The following LAMA4 variants were observed in gnomAD, a reference collection of about 807,000 sequenced individuals.
LAMA4 encodes the protein laminin subunit alpha 4.
LAMA4 carries 127 observed loss-of-function variants against 207.1 expected under a neutral mutation model. The observed-to-expected ratio is 0.61, with a 90% CI of 0.53 to 0.71. The LOEUF is 0.71. Ranked by LOEUF, LAMA4 falls within the 30% of genes least tolerant of loss-of-function variation. The probability of loss-of-function intolerance (pLI) is 0.00; values close to 1 mark genes in which losing one functional copy is unlikely to be tolerated. For missense variants in LAMA4, 2,093 were observed against 2,246.5 expected, an observed-to-expected ratio of 0.93 and a Z score of 1.38; for synonymous variants, 761 against 816.0, an observed-to-expected ratio of 0.93 and a Z score of 1.15.
At chr6:112,112,279 A>G (rs1777747860) in intron 38 of LAMA4, among the ~76,000 whole-genome samples, 1 of 152,198 alleles carries the variant, frequency 6.6e-6, no homozygotes, top group Non-Finnish European at 1.5e-5. Context: ...GGAGGAAAGG[A>G]AGAACATTTC....
intron 3 of LAMA4, among the ~76,000 whole-genome samples, chr6:112,208,206 A>G (rs1336685222): frequency 6.6e-6 from 1 of 152,160 alleles, no homozygotes; most frequent in Non-Finnish European, 1.5e-5. Context: ...CTCCTATTTG[A>G]GCAATTGCCT....
chr6:112,156,258 T>C (rs1489947742), intron 14 of LAMA4, among the ~76,000 whole-genome samples: 1 of 152,016 alleles, frequency 6.6e-6, no homozygotes, highest in Admixed American at 6.6e-5. Context: ...TTTCACACGA[T>C]AGTCTCTGCC....
rs1554332971 is a variant in LAMA4 at position 112,140,841 on chromosome 6, T to C, written c.2895A>G (p.Glu965=). 5 of 1,613,798 alleles carry C rather than the reference T, an allele frequency of 3.1e-6. No individual in the cohort carries two copies. Among genetic ancestry groups the C allele is most frequent in the African/African-American group, 1.3e-5 (1 of 74,876 alleles). The stretch of plus-strand genomic sequence containing the variant: ...CCAGCAGAGAGTCATCTCCCGAAAA[T>C]TCCCCCTTTTTAATGAACTTTTCCT... ...TAEEKFIKKG[E]FSGDDSLLDL... The change falls in exon 22 of 39, where the codon GAA becomes GAG. Residue 965 remains glutamate (E), a synonymous_variant. Transcript: ENST00000230538.
At chr6:112,142,398 C>G (rs2114709282) in intron 19 of LAMA4, 106 bp from the exon 20 acceptor site, 11 of 976,400 alleles carry the variant, frequency 1.1e-5, no homozygotes, top group Non-Finnish European at 1.8e-5. Flanking sequence ...CTCTTCACCT[C>G]CATACCTGTA....
chr6:112,133,117 C>T (rs1779138916), intron 27 of LAMA4, among the ~76,000 whole-genome samples: 1 of 152,180 alleles, frequency 6.6e-6, no homozygotes, highest in Admixed American at 6.5e-5. Flanking sequence ...TGCTAGCACA[C>T]CCTCTCTGGG....
intron 29 of LAMA4, 134 bp from the exon 30 acceptor site, chr6:112,130,174 A>T (rs1332354156): frequency 1.4e-6 from 1 of 738,806 alleles, no homozygotes; most frequent in Non-Finnish European, 2.4e-6. Context: ...CGAGTTGCCA[A>T]ACTCTTCATG....
At chr6:112,237,317 G>A (rs1245170807) in intron 2 of LAMA4, among the ~76,000 whole-genome samples, 1 of 152,208 alleles carries the variant, frequency 6.6e-6, no homozygotes, top group Non-Finnish European at 1.5e-5. Flanking sequence ...CAAGGCAGAC[G>A]TGTGTACTGC....
At position 112,158,739 on chromosome 6, in the gene LAMA4, A is replaced by G. The variant is rs909181603; in HGVS notation, c.1810T>C (p.Leu604=). ...CTAAAACCAGGATATTACCTGCTCA[A>G]TTCATTAGCTTCTTGTTGAAGGTCC... The part of the protein sequence containing the change: ...AQDLQQEANE[L]SRKLHSSDMN... Residue 604 remains leucine (L), a synonymous_variant, in exon 14 of 39, where the codon TTG becomes CTG. Transcript: ENST00000230538. 1 of 1,613,612 alleles carries G rather than the reference A, an allele frequency of 6.2e-7. No homozygotes were observed. Among genetic ancestry groups the G allele is most frequent in the South Asian group, 1.1e-5 (1 of 91,064 alleles).
upstream of LAMA4, chr6:112,254,730 T>C: frequency 6.3e-6 from 1 of 157,950 alleles, no homozygotes; most frequent in East Asian, 1.9e-4. Flanking sequence ...TTTGTGACGC[T>C]TCCTCACCAC....
At chr6:112,189,651 A>G (rs1215791938) in intron 6 of LAMA4, among the ~76,000 whole-genome samples, 1 of 152,192 alleles carries the variant, frequency 6.6e-6, no homozygotes, top group Non-Finnish European at 1.5e-5. Context: ...AGGGAGGAGC[A>G]GCTTAGCAAG....
rs193129316 is a variant in LAMA4 at position 112,175,670 on chromosome 6, C to T, written c.1190-190G>A. The stretch of plus-strand genomic sequence containing the variant: ...GCATGGAAGCTCATCATCTATTCCA[C>T]GAAGGAGAAAGACACGAGGAAACCA... On this transcript the variant is annotated intron_variant, in intron 10 of 38. Transcript: ENST00000230538. Among the ~76,000 whole-genome samples the T allele has an allele frequency of 1.3e-3, 194 of 152,312 alleles. 1 individual carries two copies. Among genetic ancestry groups the T allele is most frequent in the African/African-American group, 4.3e-3 (177 of 41,564 alleles).
At chr6:112,239,786 G>C (rs1309583500) in intron 2 of LAMA4, among the ~76,000 whole-genome samples, 1 of 152,040 alleles carries the variant, frequency 6.6e-6, no homozygotes, top group Non-Finnish European at 1.5e-5. Flanking sequence ...TTTTGAGGCC[G>C]GGTGCGGTGG....
intron 24 of LAMA4, among the ~76,000 whole-genome samples, chr6:112,136,652 A>G (rs969897264): frequency 6.7e-6 from 1 of 149,982 alleles, no homozygotes; most frequent in Non-Finnish European, 1.5e-5. Flanking sequence ...AGATCGTGAC[A>G]CTGCACTCCA....
chr6:112,180,419 G>T (rs1377773174), intron 9 of LAMA4, among the ~76,000 whole-genome samples: 1 of 152,106 alleles, frequency 6.6e-6, no homozygotes, highest in African/African-American at 2.4e-5. Flanking sequence ...CTATAGTGAT[G>T]GCTTATATGA....
At chr6:112,176,586 A>G (rs1390226107) in intron 10 of LAMA4, among the ~76,000 whole-genome samples, 2 of 152,344 alleles carry the variant, frequency 1.3e-5, no homozygotes, top group South Asian at 2.1e-4. Context: ...GGGATTAAAC[A>G]TCCACTCCTC....
intron 5 of LAMA4, among the ~76,000 whole-genome samples, chr6:112,196,870 A>G (rs959408450): frequency 1.3e-5 from 2 of 152,198 alleles, no homozygotes; most frequent in African/African-American, 4.8e-5. Context: ...GGCCTTCAAC[A>G]TGCCAGATAG....
chr6:112,189,066 A>G (rs1287645833), intron 7 of LAMA4, 44 bp downstream of exon 7: 1 of 1,361,628 alleles, frequency 7.3e-7, no homozygotes, highest in Non-Finnish European at 1.1e-6. Flanking sequence ...CCTGCAGCAC[A>G]TTAGAGAAAG....
chr6:112,124,480 G>C (rs587770304), intron 31 of LAMA4, among the ~76,000 whole-genome samples: 1 of 152,122 alleles, frequency 6.6e-6, no homozygotes. Context: ...TCTTAGTAAT[G>C]ATAAAATAGC....
intron 8 of LAMA4, chr6:112,186,676 A>G (rs782681970): frequency 1.5e-5 from 6 of 412,480 alleles, no homozygotes; most frequent in Non-Finnish European, 2.8e-5. Flanking sequence ...TTATAATACC[A>G]CTTATAATAC....
Sources: gnomAD v4.1 joint callset for allele counts (sites outside exome capture counted in the v4.1 genomes callset) on GRCh38, gnomAD v4.1.1 for gene constraint, MANE v1.5 for transcripts, NCBI Gene and HGNC (gene_info 2026-07-23, HGNC 2026-07-21) for gene names.